The following CHST11 variants were observed in gnomAD, a reference collection of about 807,000 sequenced individuals.
The protein encoded by CHST11 is C4S-1.
CHST11 carries 9 observed loss-of-function variants against 30.4 expected under a neutral mutation model. That is an observed-to-expected ratio of 0.30 (90% confidence interval 0.18 to 0.52). CHST11 has a LOEUF of 0.52. CHST11 is among the 20% of genes least tolerant of loss of function. The pLI, the probability that CHST11 is intolerant of heterozygous loss-of-function variation, is 0.97. For synonymous variants in CHST11, 152 were observed against 187.8 expected (o/e 0.81, Z 1.56); for missense variants, 348 against 460.6 (o/e 0.76, Z 2.24).
At chr12:104,744,554 G>A (rs947632824) in intron 2 of CHST11, among the ~76,000 whole-genome samples, 2 of 152,168 alleles carry the variant, frequency 1.3e-5, no homozygotes, top group African/African-American at 4.8e-5. Context: ...GTTATTGGTT[G>A]TCTGTTTACT....
chr12:104,495,809 C>T (rs1177163893), intron 1 of CHST11, among the ~76,000 whole-genome samples: 1 of 152,212 alleles, frequency 6.6e-6, no homozygotes, highest in East Asian at 1.9e-4. Flanking sequence ...GATTTGAACC[C>T]AACCGTCTGG....
intron 2 of CHST11, among the ~76,000 whole-genome samples, chr12:104,606,788 G>A (rs2039009393): frequency 6.6e-6 from 1 of 152,224 alleles, no homozygotes; most frequent in Non-Finnish European, 1.5e-5. Flanking sequence ...ACAATTACAG[G>A]CTGGGCACAG....
chr12:104,477,358 A>G (rs1461078783), intron 1 of CHST11, among the ~76,000 whole-genome samples: 1 of 152,144 alleles, frequency 6.6e-6, no homozygotes, highest in Admixed American at 6.5e-5. Context: ...ATCTGACTCA[A>G]AGTGCTCTAA....
intron 2 of CHST11, among the ~76,000 whole-genome samples, chr12:104,683,743 G>C (rs940101955): frequency 6.6e-6 from 1 of 152,144 alleles, no homozygotes; most frequent in Non-Finnish European, 1.5e-5. Flanking sequence ...TACATCCCTT[G>C]GGCGCATTGC....
chr12:104,757,053 C>T lies in CHST11; in HGVS notation c.309C>T (p.Thr103=), dbSNP rs1329417456. Residue 103 remains threonine (T), a synonymous_variant, in exon 3 of 3, where the codon ACC becomes ACT. Transcript: ENST00000303694. The surrounding 1 kb of genome is among the most constrained non-coding windows in gnomAD (Gnocchi z 6.5). The part of the protein sequence containing the change: ...SATSRKRRVL[T]PNDLKHLVVD... ...CAAGCCGTAAGCGGAGGGTGCTGAC[C>T]CCCAACGACCTGAAGCACTTGGTGG... 2 of 1,614,116 alleles carry T rather than the reference C, an allele frequency of 1.2e-6. No homozygotes were observed. Among genetic ancestry groups the T allele is most frequent in the East Asian group, 4.5e-5 (2 of 44,872 alleles).
At chr12:104,565,412 A>G (rs1293011878) in intron 1 of CHST11, among the ~76,000 whole-genome samples, 1 of 151,696 alleles carries the variant, frequency 6.6e-6, no homozygotes, top group African/African-American at 2.4e-5. Flanking sequence ...GACTACAGGT[A>G]CGTGCCACCA....
chr12:104,544,182 G>A (rs2038319526), intron 1 of CHST11, among the ~76,000 whole-genome samples: 2 of 145,518 alleles, frequency 1.4e-5, no homozygotes, highest in Non-Finnish European at 1.5e-5. Flanking sequence ...AAGAAAGAAA[G>A]ACCTGAAAAG....
At chr12:104,568,655 G>A (rs1418614255) in intron 1 of CHST11, among the ~76,000 whole-genome samples, 1 of 152,106 alleles carries the variant, frequency 6.6e-6, no homozygotes, top group African/African-American at 2.4e-5. Context: ...TCTATAATGT[G>A]GCTTGTATTT....
intron 2 of CHST11, among the ~76,000 whole-genome samples, chr12:104,641,182 T>C (rs931417516): frequency 6.6e-6 from 1 of 152,012 alleles, no homozygotes; most frequent in Non-Finnish European, 1.5e-5. Flanking sequence ...GGCAATAAAA[T>C]CCCCCACATT....
intron 2 of CHST11, among the ~76,000 whole-genome samples, chr12:104,692,870 C>T (rs2136108558): frequency 6.7e-6 from 1 of 150,182 alleles, no homozygotes; most frequent in Admixed American, 6.6e-5. Context: ...CCTCCCACCC[C>T]CATCCATTAA....
intron 1 of CHST11, among the ~76,000 whole-genome samples, chr12:104,582,645 ATCATCCTAGAGGATCTG>A (rs6144849): frequency 0.43 from 65,640 of 151,720 alleles, 14,584 homozygotes; most frequent in African/African-American, 0.54. Context: ...TCCCTGCTGT[ATCATCCTAGAGGATCTG>A]TCATTTATTA....
chr12:104,628,945 A>G (rs914720360), intron 2 of CHST11, among the ~76,000 whole-genome samples: 4 of 152,190 alleles, frequency 2.6e-5, no homozygotes, highest in Admixed American at 2.6e-4. Context: ...CTTTGTGCCT[A>G]ATGTACTACA....
At chr12:104,515,297 A>G (rs535484509) in intron 1 of CHST11, among the ~76,000 whole-genome samples, 10 of 152,180 alleles carry the variant, frequency 6.6e-5, no homozygotes, top group African/African-American at 1.2e-4. Flanking sequence ...TGCTCCAGAG[A>G]CTGAATAGGC....
At chr12:104,652,472 G>A (rs1863879) in intron 2 of CHST11, among the ~76,000 whole-genome samples, 24,587 of 152,114 alleles carry the variant, frequency 0.16, 2,108 homozygotes, top group African/African-American at 0.18. Flanking sequence ...ATGTCTTCAG[G>A]CGGAAATTGT....
chr12:104,488,706 TGTGTATGTGTGC>T (rs1181142882), intron 1 of CHST11, among the ~76,000 whole-genome samples: 8 of 150,630 alleles, frequency 5.3e-5, no homozygotes, highest in African/African-American at 2.0e-4. Flanking sequence ...TGTGTGTATG[TGTGTATGTGTGC>T]GTGTATGTGT....
intron 2 of CHST11, among the ~76,000 whole-genome samples, chr12:104,718,413 G>A (rs1012498051): frequency 3.9e-5 from 6 of 152,296 alleles, no homozygotes; most frequent in African/African-American, 1.4e-4. Flanking sequence ...AATTTCGTTT[G>A]AATCCCTACT....
intron 1 of CHST11, among the ~76,000 whole-genome samples, chr12:104,501,509 C>T (rs534375598): frequency 6.6e-6 from 1 of 152,310 alleles, no homozygotes; most frequent in Non-Finnish European, 1.5e-5. Flanking sequence ...AATCCTGGTC[C>T]AGTCACTTAC....
intron 2 of CHST11, among the ~76,000 whole-genome samples, chr12:104,716,078 A>G (rs2040128765): frequency 6.6e-6 from 1 of 152,160 alleles, no homozygotes; most frequent in South Asian, 2.1e-4. Flanking sequence ...TCAAGCCCCT[A>G]GCTTGGGTGG....
intron 2 of CHST11, among the ~76,000 whole-genome samples, chr12:104,737,967 C>T (rs1424291356): frequency 6.6e-6 from 1 of 152,162 alleles, no homozygotes; most frequent in African/African-American, 2.4e-5. Flanking sequence ...GAAGCAGATT[C>T]ATTCATGAAA....
Sources: allele counts gnomAD v4.1 joint callset (sites outside exome capture counted in the v4.1 genomes callset), GRCh38; gene constraint gnomAD v4.1.1; non-coding constraint Gnocchi (gnomAD v3.1); transcripts MANE v1.5; gene names NCBI Gene and HGNC (gene_info 2026-07-23, HGNC 2026-07-21).